The following HECW1 variants were observed in gnomAD, a reference collection of about 807,000 sequenced individuals.
HECW1 encodes E3 ubiquitin-protein ligase HECW1.
HECW1 carries 61 observed loss-of-function variants against 182.3 expected under a neutral mutation model. That is an observed-to-expected ratio of 0.33 (90% confidence interval 0.27 to 0.41). HECW1 has a LOEUF of 0.41. HECW1 is among the 10% of genes least tolerant of loss of function. HECW1 has a pLI of 1.00. For missense variants in HECW1, 1,739 were observed against 2,108.9 expected (o/e 0.82, Z 3.44); for synonymous variants, 859 against 832.6 (o/e 1.03, Z -0.55).
intron 3 of HECW1, among the ~76,000 whole-genome samples, chr7:43,267,313 T>C (rs1274154841): frequency 6.6e-6 from 1 of 152,128 alleles, no homozygotes; most frequent in Admixed American, 6.5e-5. Flanking sequence ...TAGACATTAA[T>C]GATTTTTAAA....
intron 16 of HECW1, among the ~76,000 whole-genome samples, chr7:43,479,231 C>G (rs1257847176): frequency 1.3e-5 from 2 of 152,142 alleles, no homozygotes; most frequent in South Asian, 2.1e-4. Flanking sequence ...ATGCTGCCAT[C>G]TGGGGGTAAC....
In HECW1 at chr7:43,243,827, G is replaced by C. The variant is rs1799112377; in HGVS notation, c.-31-48G>C. On this transcript the variant is annotated intron_variant, in intron 2 of 29. Coordinates refer to ENST00000395891, the MANE Select transcript of HECW1 (RefSeq NM_015052.5). This position sits in a 1 kb window ranked among gnomAD's most constrained non-coding sequence, Gnocchi z 4.0. Reference sequence around the variant, plus strand: ...TTGTGTGGGTAATGTTGCTGATTTTGTTTGCTTGGGATACACGCTAAGTTA... The same window carrying C: ...TTGTGTGGGTAATGTTGCTGATTTTCTTTGCTTGGGATACACGCTAAGTTA... The C allele has an allele frequency of 1.4e-6, 2 of 1,416,616 alleles. No individual in the cohort carries two copies. The highest frequency in any genetic ancestry group is 1.7e-5 in the Admixed American group (1 of 59,768). 87.8% of individuals were successfully genotyped at this position (1,416,616 alleles called of 1,614,324 possible). A position where few individuals can be genotyped will look rare whatever the true frequency, so the allele number is the denominator to read the frequency against.
intron 2 of HECW1, among the ~76,000 whole-genome samples, chr7:43,164,391 A>G (rs1372392101): frequency 6.6e-6 from 1 of 152,228 alleles, no homozygotes; most frequent in Non-Finnish European, 1.5e-5. Flanking sequence ...GCATAAGTTG[A>G]GTTGAAGGTG....
intron 7 of HECW1, among the ~76,000 whole-genome samples, chr7:43,404,310 A>T (rs1011018066): frequency 5.3e-5 from 8 of 152,242 alleles, no homozygotes; most frequent in Non-Finnish European, 1.0e-4. Context: ...AAATGAAGAA[A>T]CATGTGCTCT....
intron 5 of HECW1, among the ~76,000 whole-genome samples, chr7:43,342,703 C>T (rs1051571011): frequency 1.3e-4 from 19 of 151,760 alleles, no homozygotes; most frequent in Middle Eastern, 3.4e-3. Flanking sequence ...GACATATTAG[C>T]AGATTTAAGT....
chr7:43,538,274 A>G (rs1218785413), intron 24 of HECW1, among the ~76,000 whole-genome samples: 1 of 152,152 alleles, frequency 6.6e-6, no homozygotes. Flanking sequence ...AGGGAGGGCG[A>G]TATCACTCAT....
intron 3 of HECW1, among the ~76,000 whole-genome samples, chr7:43,300,909 A>G (rs1267765128): frequency 6.6e-6 from 1 of 152,120 alleles, no homozygotes; most frequent in East Asian, 1.9e-4. Context: ...CGCCCCTGCT[A>G]CTTTGTCAGT....
intron 6 of HECW1, among the ~76,000 whole-genome samples, chr7:43,386,355 A>C (rs559294423): frequency 2.0e-5 from 3 of 152,360 alleles, no homozygotes; most frequent in African/African-American, 7.2e-5. Flanking sequence ...GCAAAGGCTC[A>C]GAAGGGTCCC....
intron 8 of HECW1, among the ~76,000 whole-genome samples, chr7:43,425,304 T>TAGATAGATAGATA (rs1554408923): frequency 4.0e-5 from 6 of 148,246 alleles, no homozygotes; most frequent in African/African-American, 1.5e-4. Context: ...GATAGATAGA[T>TAGATAGATAGATA]GATAGATAGA....
intron 8 of HECW1, among the ~76,000 whole-genome samples, chr7:43,412,239 T>A (rs1360292029): frequency 2.6e-5 from 4 of 152,118 alleles, no homozygotes; most frequent in Non-Finnish European, 5.9e-5. Context: ...TACCTGCATT[T>A]ATCCACACTC....
At chr7:43,515,599 A>C (rs1780995901) in intron 24 of HECW1, among the ~76,000 whole-genome samples, 1 of 152,224 alleles carries the variant, frequency 6.6e-6, no homozygotes. Flanking sequence ...GTGAGCACCT[A>C]AAATTCTACC....
intron 3 of HECW1, among the ~76,000 whole-genome samples, chr7:43,279,746 G>A (rs1186745460): frequency 1.3e-5 from 2 of 152,104 alleles, no homozygotes. Flanking sequence ...CCTTCATGGG[G>A]TATAGTAATT....
At chr7:43,469,184 G>T (rs2077913417) in intron 16 of HECW1, 79 bp downstream of exon 16, 5 of 1,421,466 alleles carry the variant, frequency 3.5e-6, no homozygotes, top group East Asian at 2.3e-5. Flanking sequence ...GTGAGGAGGA[G>T]AGTGTGGGGA....
intron 6 of HECW1, among the ~76,000 whole-genome samples, chr7:43,369,081 A>T (rs1816989802): frequency 6.6e-6 from 1 of 152,218 alleles, no homozygotes; most frequent in Non-Finnish European, 1.5e-5. Flanking sequence ...CAAGGCACTC[A>T]TCAGATAAAC....
At chr7:43,426,074 A>G (rs183680270) in intron 8 of HECW1, among the ~76,000 whole-genome samples, 4 of 152,260 alleles carry the variant, frequency 2.6e-5, no homozygotes, top group South Asian at 4.1e-4. Flanking sequence ...TTTTCTTGCT[A>G]ACAAGCTGTC....
chr7:43,241,837 CA>C (rs1309323818), intron 2 of HECW1, among the ~76,000 whole-genome samples: 3 of 151,840 alleles, frequency 2.0e-5, no homozygotes, highest in Non-Finnish European at 2.9e-5. Flanking sequence ...TTAAAACTGT[CA>C]AAAAATAATA....
At chr7:43,459,336 T>C (rs1000857799) in intron 13 of HECW1, among the ~76,000 whole-genome samples, 1 of 152,222 alleles carries the variant, frequency 6.6e-6, no homozygotes, top group Non-Finnish European at 1.5e-5. Flanking sequence ...CTGAGTTAAT[T>C]CCCATGCTTT....
intron 13 of HECW1, among the ~76,000 whole-genome samples, chr7:43,460,288 C>G (rs1338616935): frequency 6.6e-6 from 1 of 152,186 alleles, no homozygotes. Context: ...TCCATCTTAT[C>G]TTTTGATTTG....
intron 26 of HECW1, among the ~76,000 whole-genome samples, chr7:43,546,987 T>C (rs1264594970): frequency 6.6e-6 from 1 of 152,164 alleles, no homozygotes; most frequent in Non-Finnish European, 1.5e-5. Context: ...TCCTTTCTCC[T>C]CAGTGATTTT....
Sources: gnomAD v4.1 joint callset for allele counts (sites outside exome capture counted in the v4.1 genomes callset) on GRCh38, gnomAD v4.1.1 for gene constraint, Gnocchi (gnomAD v3.1) non-coding constraint, MANE v1.5 for transcripts, NCBI Gene and HGNC (gene_info 2026-07-23, HGNC 2026-07-21) for gene names.